The following IMPACT variants were observed in gnomAD, a reference collection of about 807,000 sequenced individuals.
The protein encoded by IMPACT is protein IMPACT.
Under a neutral mutation model 47.5 loss-of-function variants are expected in IMPACT, and 35 were observed. The observed-to-expected ratio is 0.74, with a 90% confidence interval of 0.56 to 0.98. The LOEUF is 0.98. Among genes scored for constraint, IMPACT ranks in the 50% least tolerant of loss-of-function variants. The pLI, the probability that IMPACT is intolerant of heterozygous loss-of-function variation, is 0.00. For missense variants in IMPACT, 373 were observed against 394.8 expected, an observed-to-expected ratio of 0.94 and a Z score of 0.47; for synonymous variants, 118 against 125.6, an observed-to-expected ratio of 0.94 and a Z score of 0.40.
rs1909401930 is a variant in IMPACT, at chr18:24,452,112, G to A, written c.*1265G>A. Reference sequence around the variant, plus strand: ...GAAGTTAGGAGGCAACTTTGGGATGGTGCTAGAGCATGGAAAGCACAGAGA... The same window carrying A: ...GAAGTTAGGAGGCAACTTTGGGATGATGCTAGAGCATGGAAAGCACAGAGA... On this transcript the variant is annotated 3_prime_UTR_variant, in exon 11 of 11. Transcript: ENST00000284202. 1 of 152,180 alleles carries A rather than the reference G, an allele frequency of 6.6e-6. No homozygotes were observed. The highest frequency in any genetic ancestry group is 1.5e-5 in the Non-Finnish European group (1 of 68,046). 9.4% of individuals were successfully genotyped at this position (152,180 alleles called of 1,614,324 possible). A position where few individuals can be genotyped will look rare whatever the true frequency, so the allele number is the denominator to read the frequency against.
At chr18:24,430,288 G>T in intron 3 of IMPACT, 34 bp from the exon 4 acceptor site, 1 of 1,468,360 alleles carries the variant, frequency 6.8e-7, no homozygotes, top group South Asian at 1.3e-5. Flanking sequence ...CATAATCCTT[G>T]AATAATCTTC....
At chr18:24,444,802 A>G (rs1390675404) in intron 7 of IMPACT, among the ~76,000 whole-genome samples, 1 of 152,228 alleles carries the variant, frequency 6.6e-6, no homozygotes, top group Non-Finnish European at 1.5e-5. Context: ...TGAAATTCAA[A>G]TTTAACTGGA....
chr18:24,440,651 G>A (rs370294204), intron 6 of IMPACT, 33 bp downstream of exon 6: 114 of 1,571,772 alleles, frequency 7.3e-5, no homozygotes, highest in Non-Finnish European at 9.3e-5. Context: ...CTTTTGAGGA[G>A]AGTGGGTTGG....
At position 24,426,788 on chromosome 18, in the gene IMPACT, G is replaced by A; in HGVS notation, c.32G>A (p.Arg11Lys). 1 of 1,240,450 alleles carries A rather than the reference G, an allele frequency of 8.1e-7. No homozygotes were observed. The allele number at this position is 1,240,450 out of a possible 1,614,324, so 76.8% of individuals were successfully genotyped here. A position where few individuals can be genotyped will look rare whatever the true frequency, so the allele number is the denominator to read the frequency against. The change falls in exon 1 of 11, where the codon AGG (arginine) becomes AAG (lysine). Residue 11 changes from arginine to lysine, a missense_variant. Transcript: ENST00000284202. Reference sequence around the variant, plus strand: ...GAGGGGGACGCAGGGAGCGACCAGAGGCAGGTGAGGCCCCGGCGGGGTGCT... The same window carrying A: ...GAGGGGGACGCAGGGAGCGACCAGAAGCAGGTGAGGCCCCGGCGGGGTGCT... Reference protein sequence around the residue: MAEGDAGSDQRQNEEIEAMAA... With the variant: MAEGDAGSDQKQNEEIEAMAA...
chr18:24,444,460 A>G (rs1359579274), intron 7 of IMPACT, among the ~76,000 whole-genome samples: 1 of 152,188 alleles, frequency 6.6e-6, no homozygotes, highest in East Asian at 1.9e-4. Context: ...CCATTACAAC[A>G]TCCCTGAAAA....
intron 6 of IMPACT, among the ~76,000 whole-genome samples, chr18:24,441,781 G>A (rs1188212644): frequency 3.3e-5 from 5 of 152,098 alleles, no homozygotes; most frequent in African/African-American, 1.2e-4. Flanking sequence ...GGAGCATCCA[G>A]GGCTCTCATT....
intron 5 of IMPACT, among the ~76,000 whole-genome samples, chr18:24,439,872 C>T (rs1909057118): frequency 6.6e-6 from 1 of 152,066 alleles, no homozygotes; most frequent in South Asian, 2.1e-4. Context: ...GTAAGATTAA[C>T]CATTGCAGTC....
In IMPACT at chr18:24,426,780, C is replaced by T. The variant is rs944807523; in HGVS notation, c.24C>T (p.Ser8=). The T allele has an allele frequency of 1.6e-6, 2 of 1,240,988 alleles. No individual in the cohort carries two copies. Among genetic ancestry groups the T allele is most frequent in the Non-Finnish European group, 2.0e-6 (2 of 989,264 alleles). 76.9% of individuals were successfully genotyped at this position (1,240,988 alleles called of 1,614,324 possible). ...ACATGGCTGAGGGGGACGCAGGGAG[C>T]GACCAGAGGCAGGTGAGGCCCCGGC... MAEGDAG[S]DQRQNEEIEA... is the part of the protein sequence containing the mutation. Residue 8 remains serine, a synonymous_variant, in exon 1 of 11, where the codon AGC becomes AGT. Transcript: ENST00000284202.
rs1908676240 is a variant in IMPACT at position 24,428,780 on chromosome 18, C to T, written c.166-89C>T. On this transcript the variant is annotated intron_variant, in intron 2 of 10. Coordinates refer to ENST00000284202, the MANE Select transcript of IMPACT (RefSeq NM_018439.4). Reference sequence around the variant, plus strand: ...TTTCCTTTCATCTCTGTCCTCCTTGCCTTTTTTGTCCAGTTGCTAGCTTTA... The same window carrying T: ...TTTCCTTTCATCTCTGTCCTCCTTGTCTTTTTTGTCCAGTTGCTAGCTTTA... 4 of 943,742 alleles carry T rather than the reference C, an allele frequency of 4.2e-6. No individual in the cohort carries two copies. The East Asian group carries it at 1.1e-4, about 25-fold the overall frequency. The allele number at this position is 943,742 out of a possible 1,614,324, so 58.5% of individuals were successfully genotyped here.
Position 24,438,036 on chromosome 18 carries a change from A to T in IMPACT, c.363A>T (p.Glu121Asp), listed in dbSNP as rs1908994056. Residue 121 changes from glutamate (E) to aspartate (D), a missense_variant, in exon 5 of 11, where the codon GAA becomes GAT. Coordinates refer to ENST00000284202, the MANE Select transcript of IMPACT (RefSeq NM_018439.4). ...DVLIQKSQMT[E>D]PGPDVKKKTE... ...TTATACAAAAATCTCAGATGACAGA[A>T]CCAGGTAGGATTGAAAAATACTATC... The T allele has an allele frequency of 1.4e-6, 2 of 1,471,268 alleles. No homozygotes were observed. The highest frequency in any genetic ancestry group is 1.4e-5 in the African/African-American group (1 of 71,690). 91.1% of individuals were successfully genotyped at this position (1,471,268 alleles called of 1,614,324 possible). A position where few individuals can be genotyped will look rare whatever the true frequency, so the allele number is the denominator to read the frequency against.
chr18:24,449,492 C>A (rs1170450877), intron 9 of IMPACT, among the ~76,000 whole-genome samples: 2 of 152,202 alleles, frequency 1.3e-5, no homozygotes, highest in East Asian at 3.9e-4. Context: ...GCTGCCTAAA[C>A]TTAGCTGTTC....
chr18:24,429,501 GC>G (rs1341680612), intron 3 of IMPACT: 3 of 152,042 alleles, frequency 2.0e-5, no homozygotes, highest in African/African-American at 7.3e-5. Context: ...CAGTTACTAG[GC>G]CGGTCTGATT....
chr18:24,443,700 C>A lies in IMPACT; in HGVS notation c.594+548C>A, dbSNP rs112050267. Among the ~76,000 whole-genome samples, 62 of 152,272 alleles carry A rather than the reference C, an allele frequency of 4.1e-4. 1 individual carries two copies. The highest frequency in any genetic ancestry group is 1.4e-3 in the African/African-American group (60 of 41,548). ...GTGGACAGACTGGCTAAACCAAGTC[C>A]TCCCTACCTGACTTACTTTCCTTTG... On this transcript the variant is annotated intron_variant, in intron 7 of 10. Transcript: ENST00000284202.
chr18:24,439,221 A>T (rs1909027915), intron 5 of IMPACT, among the ~76,000 whole-genome samples: 1 of 152,152 alleles, frequency 6.6e-6, no homozygotes, highest in Non-Finnish European at 1.5e-5. Context: ...AATCTAAAAT[A>T]GTGTTTAACC....
intron 8 of IMPACT, 121 bp from the exon 9 acceptor site, chr18:24,447,972 A>G: frequency 1.7e-6 from 1 of 593,132 alleles, no homozygotes; most frequent in Non-Finnish European, 3.0e-6. Flanking sequence ...TATTTCAGGA[A>G]GGATTTAAAA....
At chr18:24,437,351 A>G (rs1908975634) in intron 4 of IMPACT, among the ~76,000 whole-genome samples, 1 of 152,198 alleles carries the variant, frequency 6.6e-6, no homozygotes, top group Non-Finnish European at 1.5e-5. Flanking sequence ...TTTGAGATGG[A>G]TTTAGTTACC....
intron 8 of IMPACT, among the ~76,000 whole-genome samples, chr18:24,447,118 A>G (rs574503186): frequency 6.6e-6 from 1 of 152,344 alleles, no homozygotes; most frequent in East Asian, 1.9e-4. Flanking sequence ...TTTAATGTTC[A>G]TAGTAGATGG....
chr18:24,428,246 A>G (rs1028598220), intron 2 of IMPACT, among the ~76,000 whole-genome samples, 199 bp downstream of exon 2: 2 of 152,226 alleles, frequency 1.3e-5, no homozygotes, highest in Non-Finnish European at 2.9e-5. Context: ...TTCTAATCCA[A>G]TGCTTTTAAT....
intron 4 of IMPACT, among the ~76,000 whole-genome samples, chr18:24,431,054 C>G (rs190279893): frequency 6.6e-6 from 1 of 152,242 alleles, no homozygotes; most frequent in African/African-American, 2.4e-5. Flanking sequence ...GTATGGCTAG[C>G]ATGAACAGAA....
Sources: gnomAD v4.1 joint callset for allele counts (sites outside exome capture counted in the v4.1 genomes callset) on GRCh38, gnomAD v4.1.1 for gene constraint, MANE v1.5 for transcripts, NCBI Gene and HGNC (gene_info 2026-07-23, HGNC 2026-07-21) for gene names.